Variants in INTS4 observed in about 807,000 individuals in gnomAD.
INTS4 encodes integrator complex subunit 4, also known as MSTP093.
In INTS4, 70 loss-of-function variants were observed where a neutral mutation model predicts 119.5. That is an observed-to-expected ratio of 0.59 (90% CI 0.48 to 0.71). INTS4 has a LOEUF of 0.71. Ranked by LOEUF, INTS4 falls within the 30% of genes least tolerant of loss-of-function variation. INTS4 has a pLI of 0.00. For missense variants in INTS4, 867 were observed against 1,173.2 expected, an observed-to-expected ratio of 0.74 and a Z score of 3.81; for synonymous variants, 316 against 419.6, an observed-to-expected ratio of 0.75 and a Z score of 3.02.
chr11:77,886,369 A>C (rs950613227), intron 21 of INTS4, among the ~76,000 whole-genome samples: 1 of 152,220 alleles, frequency 6.6e-6, no homozygotes, highest in African/African-American at 2.4e-5. Context: ...GGAAATGGCC[A>C]GTATGAATGA....
chr11:77,963,922 T>C (rs993558631), intron 4 of INTS4, among the ~76,000 whole-genome samples: 2 of 152,172 alleles, frequency 1.3e-5, no homozygotes, highest in Non-Finnish European at 2.9e-5. Flanking sequence ...TGGGCTCAGG[T>C]GATCCTTGAT....
chr11:77,951,850 G>A lies in INTS4; in HGVS notation c.918+4092C>T, dbSNP rs988378050. Among the ~76,000 whole-genome samples the A allele has an allele frequency of 1.6e-4, 24 of 152,240 alleles. 1 individual carries two copies. Among genetic ancestry groups the A allele is most frequent in the African/African-American group, 4.1e-4 (17 of 41,540 alleles). ...CAAACAGCCCCATCAAAAAGTGGGC[G>A]AAGGATATGAGCAGACACTTCTCAA... On this transcript the variant is annotated intron_variant, in intron 8 of 22. Coordinates refer to ENST00000534064, the MANE Select transcript of INTS4 (RefSeq NM_033547.4).
intron 9 of INTS4, 151 bp downstream of exon 9, chr11:77,941,029 G>A: frequency 8.6e-7 from 1 of 1,161,598 alleles, no homozygotes; most frequent in Non-Finnish European, 1.2e-6. Context: ...CTTGTTATTT[G>A]CTTCAATTTA....
chr11:77,970,999 G>A (rs1262013370), intron 4 of INTS4, among the ~76,000 whole-genome samples: 1 of 151,746 alleles, frequency 6.6e-6, no homozygotes, highest in African/African-American at 2.4e-5. Context: ...GTAGAAACAC[G>A]GTTTCATCAT....
chr11:77,919,931 C>A (rs1297772495), intron 14 of INTS4, among the ~76,000 whole-genome samples: 1 of 152,004 alleles, frequency 6.6e-6, no homozygotes, highest in African/African-American at 2.4e-5. Flanking sequence ...GCCACAGCTT[C>A]CCGAGTAGCT....
At chr11:77,900,912 G>A (rs1952759164) in intron 18 of INTS4, 3 of 413,310 alleles carry the variant, frequency 7.3e-6, no homozygotes, top group Admixed American at 8.3e-5. Flanking sequence ...TGAGGTAGAT[G>A]CTGTCTTCAT....
At chr11:77,965,769 T>C (rs1288215922) in intron 4 of INTS4, among the ~76,000 whole-genome samples, 1 of 152,234 alleles carries the variant, frequency 6.6e-6, no homozygotes, top group Admixed American at 6.5e-5. Context: ...CTATTGTGAA[T>C]ACTGCTGCAA....
At chr11:77,921,310 A>G in intron 14 of INTS4, 30 bp downstream of exon 14, 1 of 1,605,956 alleles carries the variant, frequency 6.2e-7, no homozygotes, top group East Asian at 2.2e-5. Context: ...TGCAAAATAA[A>G]AACAAGGACA....
chr11:77,936,556 AT>A (rs928933301), intron 10 of INTS4, among the ~76,000 whole-genome samples: 4 of 152,144 alleles, frequency 2.6e-5, no homozygotes, highest in African/African-American at 9.7e-5. Context: ...CTAATTTTAA[AT>A]TTTTTGTAGA....
intron 18 of INTS4, among the ~76,000 whole-genome samples, chr11:77,895,638 A>G (rs1952485606): frequency 1.3e-5 from 2 of 151,356 alleles, no homozygotes; most frequent in African/African-American, 2.4e-5. Context: ...ACCAAACACC[A>G]CAAGGAGTGA....
At chr11:77,911,161 G>A in intron 15 of INTS4, 1 of 1,181,548 alleles carries the variant, frequency 8.5e-7, no homozygotes, top group South Asian at 1.6e-5. Flanking sequence ...GCCTACAAAG[G>A]GGCAAAGAGT....
chr11:77,974,652 G>C (rs1346056074), intron 4 of INTS4, among the ~76,000 whole-genome samples: 2 of 147,548 alleles, frequency 1.4e-5, no homozygotes, highest in Non-Finnish European at 3.0e-5. Flanking sequence ...ACCCACGCTA[G>C]AGTGCAGTGG....
chr11:77,944,249 C>T (rs1565262414), intron 8 of INTS4, among the ~76,000 whole-genome samples: 2 of 152,170 alleles, frequency 1.3e-5, no homozygotes, highest in Non-Finnish European at 2.9e-5. Context: ...GGCTACAAAG[C>T]TAAGTTGCTG....
chr11:77,935,916 A>AAAGAGAGAAAAAAGAAAAGC (rs1953780200), intron 10 of INTS4, among the ~76,000 whole-genome samples: 2 of 138,842 alleles, frequency 1.4e-5, no homozygotes, highest in South Asian at 2.2e-4. Flanking sequence ...AAAAGAAAAG[A>AAAGAGAGAAAAAAGAAAAGC]AGAGGTTTTG....
chr11:77,978,916 A>G, intron 4 of INTS4, 80 bp downstream of exon 4: 2 of 788,162 alleles, frequency 2.5e-6, no homozygotes, highest in Non-Finnish European at 4.3e-6. Context: ...AAAATAAGGC[A>G]GCTCCTAAAA....
chr11:77,886,223 T>A (rs1280730751), intron 21 of INTS4, among the ~76,000 whole-genome samples: 3 of 151,416 alleles, frequency 2.0e-5, no homozygotes, highest in Non-Finnish European at 4.4e-5. Flanking sequence ...AAAAAAAAAA[T>A]TCCCAGCATT....
intron 3 of INTS4, among the ~76,000 whole-genome samples, chr11:77,980,425 G>A (rs959218514): frequency 5.3e-5 from 8 of 152,056 alleles, no homozygotes; most frequent in African/African-American, 1.9e-4. Context: ...TGTCACCCAG[G>A]CTGAAATGCA....
Position 77,879,007 on chromosome 11 carries a change from G to A in INTS4, c.2834C>T (p.Thr945Ile). 6.2e-7 allele frequency: 1 copy of A among 1,614,128 alleles called. No individual in the cohort carries two copies. Among genetic ancestry groups the A allele is most frequent in the Non-Finnish European group, 8.5e-7 (1 of 1,180,028 alleles). ...TTTTACAGGCTTGCTGAAGGGAATG[G>A]TGCCCTCGATGCTGGTTTCCACCTG... ...SPQVETSIEGTIPFSKPVKVY... is the reference protein window; with the variant it reads ...SPQVETSIEGIIPFSKPVKVY... The change falls in exon 23 of 23, where the codon ACC becomes ATC. Residue 945 changes from threonine to isoleucine, a missense_variant. By Grantham distance (89) the Thr-to-Ile change is moderately conservative. Around this residue, in one of 5 missense-constraint regions of INTS4, gnomAD observed 122 missense variants for 133.2 expected, o/e 0.92. Coordinates refer to ENST00000534064, the MANE Select transcript of INTS4 (RefSeq NM_033547.4).
At chr11:77,910,390 C>A (rs1225012723) in intron 15 of INTS4, among the ~76,000 whole-genome samples, 2 of 142,670 alleles carry the variant, frequency 1.4e-5, no homozygotes, top group African/African-American at 5.3e-5. Flanking sequence ...GGGAATTGAA[C>A]AATGAGAACA....
Sources: allele counts gnomAD v4.1 joint callset (sites outside exome capture counted in the v4.1 genomes callset), GRCh38; gene constraint gnomAD v4.1.1; regional missense constraint gnomAD v4.1.1; transcripts MANE v1.5; gene names NCBI Gene and HGNC (gene_info 2026-07-23, HGNC 2026-07-21).